Variants in MCC observed in about 807,000 individuals in gnomAD.
MCC encodes the protein colorectal mutant cancer protein.
Under a neutral mutation model 116.2 loss-of-function variants are expected in MCC, and 90 were observed. That is an observed-to-expected ratio of 0.77 (90% CI 0.65 to 0.92). MCC has a LOEUF of 0.92. Ranked by LOEUF, MCC falls within the 40% of genes least tolerant of loss-of-function variation. The pLI, the probability that MCC is intolerant of heterozygous loss-of-function variation, is 0.00. For synonymous variants in MCC, 578 were observed against 510.5 expected (o/e 1.13, Z -1.78); for missense variants, 1,516 against 1,312.2 (o/e 1.16, Z -2.40).
chr5:113,275,219 AACTCTG>A (rs747309544), intron 3 of MCC, among the ~76,000 whole-genome samples: 9 of 152,226 alleles, frequency 5.9e-5, no homozygotes, highest in Non-Finnish European at 4.4e-5. Context: ...CAAAAATAGT[AACTCTG>A]ACTCTAAGAG....
chr5:113,069,681 G>A (rs1484389046), intron 12 of MCC, among the ~76,000 whole-genome samples: 1 of 152,098 alleles, frequency 6.6e-6, no homozygotes, highest in Non-Finnish European at 1.5e-5. Flanking sequence ...CCATTATCCT[G>A]CCTCAGCCTC....
intron 1 of MCC, among the ~76,000 whole-genome samples, chr5:113,432,335 A>G (rs1482872650): frequency 2.0e-5 from 3 of 151,352 alleles, no homozygotes; most frequent in East Asian, 3.9e-4. Flanking sequence ...AAAAAAAAAA[A>G]AAAAAAAAGA....
intron 4 of MCC, among the ~76,000 whole-genome samples, chr5:113,146,586 G>A (rs1455720257): frequency 6.6e-6 from 1 of 152,018 alleles, no homozygotes; most frequent in Non-Finnish European, 1.5e-5. Context: ...GAGACACAAG[G>A]GGGTGTAAAA....
At chr5:113,196,764 G>A (rs555269860) in intron 3 of MCC, among the ~76,000 whole-genome samples, 83 of 152,232 alleles carry the variant, frequency 5.5e-4, no homozygotes, top group African/African-American at 1.4e-3. Context: ...CAGGAGAATC[G>A]CTTGAACTGG....
intron 6 of MCC, among the ~76,000 whole-genome samples, chr5:113,119,747 A>C (rs903650082): frequency 6.6e-6 from 1 of 152,146 alleles, no homozygotes; most frequent in African/African-American, 2.4e-5. Flanking sequence ...ATGTGTCAAC[A>C]CTGGGCAGGG....
intron 6 of MCC, among the ~76,000 whole-genome samples, chr5:113,121,568 T>A (rs1329769145): frequency 6.6e-6 from 1 of 152,226 alleles, no homozygotes; most frequent in Admixed American, 6.5e-5. Flanking sequence ...AGAGGAAGCC[T>A]TCTTGTAACC....
intron 1 of MCC, among the ~76,000 whole-genome samples, chr5:113,418,112 G>T (rs1192825370): frequency 6.6e-6 from 1 of 151,948 alleles, no homozygotes; most frequent in African/African-American, 2.4e-5. Context: ...TGTTGGATTT[G>T]TCTAAGGCCT....
At chr5:113,354,439 CT>C (rs67121130) in intron 2 of MCC, among the ~76,000 whole-genome samples, 7 of 146,128 alleles carry the variant, frequency 4.8e-5, no homozygotes, top group Middle Eastern at 3.5e-3. Flanking sequence ...TTTCCTTTTT[CT>C]TTTTTTTTTT....
At chr5:113,238,447 A>G (rs1190351548) in intron 3 of MCC, among the ~76,000 whole-genome samples, 1 of 152,206 alleles carries the variant, frequency 6.6e-6, no homozygotes, top group Non-Finnish European at 1.5e-5. Flanking sequence ...TAAGAAAGCA[A>G]GTCCTGCATT....
intron 3 of MCC, among the ~76,000 whole-genome samples, chr5:113,200,624 C>T (rs1279550197): frequency 1.3e-5 from 2 of 152,214 alleles, no homozygotes; most frequent in African/African-American, 2.4e-5. Flanking sequence ...ACACAGGAAG[C>T]CCCTTCTCCA....
chr5:113,398,452 T>A (rs371611116), intron 1 of MCC, among the ~76,000 whole-genome samples: 1 of 152,086 alleles, frequency 6.6e-6, no homozygotes, highest in East Asian at 1.9e-4. Flanking sequence ...CAGTGATGGA[T>A]TGGATAAAGA....
At chr5:113,291,497 T>C (rs776045203) in intron 3 of MCC, among the ~76,000 whole-genome samples, 7 of 152,172 alleles carry the variant, frequency 4.6e-5, no homozygotes, top group Non-Finnish European at 7.4e-5. Flanking sequence ...TCAACACCAA[T>C]GAGAGCCATT....
At chr5:113,055,412 C>G (rs557619575) in intron 14 of MCC, among the ~76,000 whole-genome samples, 1 of 152,208 alleles carries the variant, frequency 6.6e-6, no homozygotes, top group Non-Finnish European at 1.5e-5. Context: ...CAGGCCCACT[C>G]TTGTACATGA....
chr5:113,031,290 G>C (rs1204647070), intron 17 of MCC, among the ~76,000 whole-genome samples: 1 of 152,060 alleles, frequency 6.6e-6, no homozygotes. Context: ...TTTTTCCTGG[G>C]CCCTAGCAGC....
At chr5:113,267,152 C>G (rs570547329) in intron 3 of MCC, among the ~76,000 whole-genome samples, 1 of 152,284 alleles carries the variant, frequency 6.6e-6, no homozygotes. Flanking sequence ...CTCTTTCCTT[C>G]CTATCGTCCC....
intron 3 of MCC, among the ~76,000 whole-genome samples, chr5:113,192,058 C>A (rs1225822099): frequency 6.6e-6 from 1 of 152,100 alleles, no homozygotes; most frequent in Non-Finnish European, 1.5e-5. Flanking sequence ...TTGTTTTCCC[C>A]CCACTACAGA....
intron 13 of MCC, 44 bp from the exon 14 acceptor site, chr5:113,064,211 A>G (rs1346619076): frequency 6.5e-6 from 10 of 1,544,132 alleles, no homozygotes; most frequent in Non-Finnish European, 8.8e-6. Flanking sequence ...ATAGGCCTGG[A>G]CAAGGCACGC....
chr5:113,103,494 T>C (rs748625257), intron 7 of MCC, among the ~76,000 whole-genome samples: 4 of 152,210 alleles, frequency 2.6e-5, no homozygotes, highest in East Asian at 1.9e-4. Context: ...ATATTTGCAA[T>C]TGAGATGAAG....
intron 3 of MCC, among the ~76,000 whole-genome samples, chr5:113,272,711 A>G (rs1487374272): frequency 6.6e-6 from 1 of 152,222 alleles, no homozygotes; most frequent in African/African-American, 2.4e-5. Flanking sequence ...CTTGGAATTT[A>G]TGAGCCCATT....
Sources: gnomAD v4.1 joint callset for allele counts (sites outside exome capture counted in the v4.1 genomes callset) on GRCh38, gnomAD v4.1.1 for gene constraint, MANE v1.5 for transcripts, NCBI Gene and HGNC (gene_info 2026-07-23, HGNC 2026-07-21) for gene names.